Variants in TNFSF4 observed in about 807,000 individuals in gnomAD.
The protein encoded by TNFSF4 is tumor necrosis factor ligand superfamily member 4.
In TNFSF4, 4 loss-of-function variants were observed where a neutral mutation model predicts 7.3. The ratio of observed to expected loss-of-function variants is 0.55; its 90% CI spans 0.27 to 1.25. The LOEUF (loss-of-function observed/expected upper bound fraction) is 1.25, where lower values mean the gene tolerates loss of function less well. TNFSF4 is among the 50% of genes most tolerant of loss of function. TNFSF4 has a pLI of 0.12. For missense variants in TNFSF4, 181 were observed against 208.8 expected (o/e 0.87, Z 0.82); for synonymous variants, 76 against 83.7 (o/e 0.91, Z 0.50).
the TNFSF4 span, among the ~76,000 whole-genome samples, chr1:173,298,520 C>G: frequency 6.6e-6 from 1 of 151,986 alleles, no homozygotes. Flanking sequence ...TTCTTCCTCA[C>G]CCCTTCTTTT....
chr1:173,220,044 A>T, the TNFSF4 span, among the ~76,000 whole-genome samples: 1 of 152,048 alleles, frequency 6.6e-6, no homozygotes, highest in African/African-American at 2.4e-5. Flanking sequence ...AAAACCTATT[A>T]AAATAAAAAA....
chr1:173,220,631 C>G, the TNFSF4 span, among the ~76,000 whole-genome samples: 2 of 152,100 alleles, frequency 1.3e-5, no homozygotes, highest in Non-Finnish European at 2.9e-5. Flanking sequence ...CCATGATGAA[C>G]TTAGTGCCCT....
At chr1:173,359,377 G>C in the TNFSF4 span, among the ~76,000 whole-genome samples, 4 of 148,400 alleles carry the variant, frequency 2.7e-5, 1 homozygote, top group Non-Finnish European at 5.9e-5. Flanking sequence ...TAGGTGTTTG[G>C]AATAAAAAGA....
chr1:173,324,849 C>T, the TNFSF4 span, among the ~76,000 whole-genome samples: 1 of 152,130 alleles, frequency 6.6e-6, no homozygotes, highest in Non-Finnish European at 1.5e-5. Flanking sequence ...TACAGGAGCA[C>T]CCAGATTCAT....
intron 1 of TNFSF4, among the ~76,000 whole-genome samples, chr1:173,192,146 A>G (rs1366878464): frequency 1.3e-5 from 2 of 152,216 alleles, no homozygotes; most frequent in East Asian, 3.9e-4. Flanking sequence ...CACTGCCTCC[A>G]GCATGTCCCT....
the TNFSF4 span, among the ~76,000 whole-genome samples, chr1:173,357,378 T>A: frequency 6.6e-6 from 1 of 152,172 alleles, no homozygotes; most frequent in Non-Finnish European, 1.5e-5. Flanking sequence ...GAGGGAAGGT[T>A]GACAGTATGC....
At chr1:173,347,073 T>C in the TNFSF4 span, among the ~76,000 whole-genome samples, 1 of 152,250 alleles carries the variant, frequency 6.6e-6, no homozygotes, top group East Asian at 1.9e-4. Flanking sequence ...ATAAGTTTTT[T>C]GCATACTTGT....
At chr1:173,308,279 C>CTG in the TNFSF4 span, among the ~76,000 whole-genome samples, 1 of 140,170 alleles carries the variant, frequency 7.1e-6, no homozygotes, top group Admixed American at 7.1e-5. Context: ...CTCTCTCTCT[C>CTG]TCTCTCTGTG....
the TNFSF4 span, among the ~76,000 whole-genome samples, chr1:173,348,285 C>T: frequency 2.0e-5 from 3 of 152,104 alleles, no homozygotes; most frequent in Admixed American, 1.3e-4. Context: ...GAGATCTGAT[C>T]GTTTTATAAG....
chr1:173,234,047 A>G, the TNFSF4 span, among the ~76,000 whole-genome samples: 1 of 152,250 alleles, frequency 6.6e-6, no homozygotes, highest in Admixed American at 6.5e-5. Context: ...CAATCTACTC[A>G]TCTGACAAAG....
the TNFSF4 span, among the ~76,000 whole-genome samples, chr1:173,412,773 G>A: frequency 6.6e-6 from 1 of 152,160 alleles, no homozygotes; most frequent in African/African-American, 2.4e-5. Flanking sequence ...TACAGAGAAG[G>A]ACTACAAGGG....
the TNFSF4 span, among the ~76,000 whole-genome samples, chr1:173,385,913 T>C: frequency 6.6e-6 from 1 of 152,164 alleles, no homozygotes; most frequent in Non-Finnish European, 1.5e-5. Flanking sequence ...AATTCTCACC[T>C]GGTCATGTAA....
At chr1:173,412,090 T>TG in the TNFSF4 span, among the ~76,000 whole-genome samples, 1 of 138,274 alleles carries the variant, frequency 7.2e-6, no homozygotes, top group African/African-American at 2.7e-5. Flanking sequence ...CACTCCAGCC[T>TG]GGCAACAGAG....
At chr1:173,209,052 T>C (rs1022824744), upstream of TNFSF4, among the ~76,000 whole-genome samples, 11 of 152,156 alleles carry the variant, frequency 7.2e-5, no homozygotes, top group Non-Finnish European at 1.5e-4. Context: ...GAAAGAAAAA[T>C]CTTTGCACAG....
chr1:173,432,444 AAG>A, the TNFSF4 span, among the ~76,000 whole-genome samples: 1 of 152,216 alleles, frequency 6.6e-6, no homozygotes, highest in African/African-American at 2.4e-5. Flanking sequence ...ACCTTATAGA[AAG>A]AGAACGAGAC....
chr1:173,216,953 G>A, the TNFSF4 span, among the ~76,000 whole-genome samples: 1 of 152,042 alleles, frequency 6.6e-6, no homozygotes, highest in African/African-American at 2.4e-5. Context: ...TCAACTTTCT[G>A]CTTCATCACT....
At chr1:173,187,527 A>T (rs1649282937) in intron 2 of TNFSF4, among the ~76,000 whole-genome samples, 1 of 152,220 alleles carries the variant, frequency 6.6e-6, no homozygotes, top group South Asian at 2.1e-4. Flanking sequence ...CTTAAGTTTA[A>T]TAATGCAGCT....
At chr1:173,230,824 C>T in the TNFSF4 span, among the ~76,000 whole-genome samples, 2 of 152,172 alleles carry the variant, frequency 1.3e-5, no homozygotes, top group African/African-American at 4.8e-5. Context: ...CACCTCTACG[C>T]AAATAAACTA....
the TNFSF4 span, among the ~76,000 whole-genome samples, chr1:173,438,680 G>A: frequency 6.6e-6 from 1 of 152,104 alleles, no homozygotes; most frequent in South Asian, 2.1e-4. Flanking sequence ...TGCTTAGTGA[G>A]TCTTACAATT....
Sources: gnomAD v4.1 joint callset for allele counts (sites outside exome capture counted in the v4.1 genomes callset) on GRCh38, gnomAD v4.1.1 for gene constraint, MANE v1.5 for transcripts, NCBI Gene and HGNC (gene_info 2026-07-23, HGNC 2026-07-21) for gene names.